Variants in DYNC2I1 observed in about 807,000 individuals in gnomAD.
The protein encoded by DYNC2I1 is dynein 2 intermediate chain 1, also known as cytoplasmic dynein 2 intermediate chain 1.
In DYNC2I1, 89 loss-of-function variants were observed where a neutral mutation model predicts 133.4. The ratio of observed to expected loss-of-function variants is 0.67; its 90% confidence interval spans 0.56 to 0.80. DYNC2I1 has a LOEUF of 0.80. Among genes scored for constraint, DYNC2I1 ranks in the 30% least tolerant of loss-of-function variants. DYNC2I1 has a pLI of 0.00. For synonymous variants in DYNC2I1, 504 were observed against 484.3 expected (o/e 1.04, Z -0.54); for missense variants, 1,291 against 1,314.5 (o/e 0.98, Z 0.28).
Position 158,945,783 on chromosome 7 carries a change from G to T in DYNC2I1, c.*4G>T. ...AGAGGGAAAACTGCACAAGTAGCGG[G>T]TGTGGCTGAGAGGACCGCGTTTCTG... On this transcript the variant is annotated 3_prime_UTR_variant, in exon 25 of 25. Transcript: ENST00000407559. This position sits in a 1 kb window ranked among gnomAD's most constrained non-coding sequence, Gnocchi z 4.1. The T allele has an allele frequency of 1.3e-6, 2 of 1,541,052 alleles. No individual in the cohort carries two copies. The highest frequency in any genetic ancestry group is 1.7e-6 in the Non-Finnish European group (2 of 1,144,606).
chr7:158,854,074 A>T (rs1026754478), upstream of DYNC2I1, among the ~76,000 whole-genome samples: 1 of 152,032 alleles, frequency 6.6e-6, no homozygotes, highest in African/African-American at 2.4e-5. Flanking sequence ...TTGGAGATGA[A>T]ATCAGGGAAT....
chr7:158,896,533 G>A (rs1169214769), intron 8 of DYNC2I1, among the ~76,000 whole-genome samples: 2 of 152,140 alleles, frequency 1.3e-5, no homozygotes, highest in Admixed American at 6.5e-5. Context: ...GTGCAGTGGG[G>A]TGATCATGGC....
chr7:158,867,661 G>A (rs558622162), intron 1 of DYNC2I1, among the ~76,000 whole-genome samples: 143 of 152,214 alleles, frequency 9.4e-4, no homozygotes, highest in African/African-American at 3.0e-3. Context: ...GTGGGGGGAC[G>A]TTAGGGTGCA....
intron 24 of DYNC2I1, among the ~76,000 whole-genome samples, chr7:158,944,933 G>T (rs1202611009): frequency 1.3e-5 from 2 of 152,172 alleles, no homozygotes; most frequent in East Asian, 3.8e-4. Context: ...ACAGGAGGGG[G>T]TTTGAATGGG....
chr7:158,884,318 C>G (rs1475723326), intron 5 of DYNC2I1, among the ~76,000 whole-genome samples: 1 of 151,188 alleles, frequency 6.6e-6, no homozygotes. Context: ...GTGCTGGGAT[C>G]ACAGGCGTGA....
chr7:158,871,594 C>T (rs1376111790), intron 3 of DYNC2I1, 32 bp downstream of exon 3: 1 of 1,495,614 alleles, frequency 6.7e-7, no homozygotes, highest in Non-Finnish European at 8.8e-7. Context: ...TGTGGTTCCA[C>T]CCGAGGTGCC....
At chr7:158,915,771 G>C (rs1416418849) in intron 14 of DYNC2I1, among the ~76,000 whole-genome samples, 2 of 144,864 alleles carry the variant, frequency 1.4e-5, no homozygotes, top group East Asian at 4.0e-4. Flanking sequence ...CTACACGCTG[G>C]TTGAGATTAA....
Position 158,887,067 on chromosome 7 carries a change from A to G in DYNC2I1, c.982A>G (p.Arg328Gly). 1 of 1,613,860 alleles carries G rather than the reference A, an allele frequency of 6.2e-7. No homozygotes were observed. The highest frequency in any genetic ancestry group is 8.5e-7 in the Non-Finnish European group (1 of 1,179,760). ...GAATCATGGAAAAGATAAAGATTCA[A>G]GACGGAAGGTAAGGCAGTCTCCACT... ...VRNHGKDKDS[R>G]RKHGHEEGSS... Residue 328 changes from arginine (R) to glycine (G), a missense_variant, in exon 7 of 25, where the codon AGA (arginine) becomes GGA (glycine). Arg to Gly is a moderately radical substitution (Grantham distance 125). Coordinates refer to ENST00000407559, the MANE Select transcript of DYNC2I1 (RefSeq NM_018051.5).
chr7:158,904,296 G>A (rs530057698), intron 10 of DYNC2I1: 13 of 152,416 alleles, frequency 8.5e-5, no homozygotes, highest in Admixed American at 7.8e-4. Flanking sequence ...CACGTTCTGA[G>A]TGCTAAGCAC....
intron 23 of DYNC2I1, among the ~76,000 whole-genome samples, chr7:158,939,867 A>G (rs2657353): frequency 0.48 from 73,699 of 152,042 alleles, 18,437 homozygotes; most frequent in Non-Finnish European, 0.54. Context: ...AAAAAATGAC[A>G]AAAAGGGGTC....
At chr7:158,930,631 C>T in intron 21 of DYNC2I1, 116 bp downstream of exon 21, 1 of 808,618 alleles carries the variant, frequency 1.2e-6, no homozygotes, top group Non-Finnish European at 1.9e-6. Flanking sequence ...TCCATTTTCT[C>T]ACATTGTTTT....
chr7:158,931,529 C>G (rs1197855964), intron 21 of DYNC2I1, among the ~76,000 whole-genome samples: 1 of 152,254 alleles, frequency 6.6e-6, no homozygotes, highest in Non-Finnish European at 1.5e-5. Context: ...ACAGTTCCCC[C>G]ACTGAGTTTC....
chr7:158,876,832 A>C (rs182444342), intron 4 of DYNC2I1, 141 bp downstream of exon 4: 429 of 1,102,446 alleles, frequency 3.9e-4, no homozygotes, highest in Non-Finnish European at 3.1e-4. Context: ...CACTGTGTAT[A>C]GTCAGTTTCT....
At chr7:158,909,837 A>G (rs531691067) in intron 11 of DYNC2I1, among the ~76,000 whole-genome samples, 1 of 152,224 alleles carries the variant, frequency 6.6e-6, no homozygotes, top group South Asian at 2.1e-4. Flanking sequence ...TGAAAATGGA[A>G]GTTGAGAGCC....
chr7:158,866,453 C>T (rs1238623134), intron 1 of DYNC2I1, among the ~76,000 whole-genome samples: 1 of 150,970 alleles, frequency 6.6e-6, no homozygotes, highest in Non-Finnish European at 1.5e-5. Context: ...CTGTGGTACC[C>T]TGGTCTCCTG....
chr7:158,858,559 T>C (rs1285920455), intron 1 of DYNC2I1, among the ~76,000 whole-genome samples: 1 of 152,218 alleles, frequency 6.6e-6, no homozygotes, highest in Non-Finnish European at 1.5e-5. Flanking sequence ...CTGTTTTAAA[T>C]TTTTAAACCT....
rs907997551 is a variant in DYNC2I1, at chr7:158,872,639, A to G, written c.490+1077A>G. 7.2e-5 allele frequency among the ~76,000 whole-genome samples: 11 copies of G among 151,760 alleles called. 1 individual carries two copies. Among genetic ancestry groups the G allele is most frequent in the Admixed American group, 6.6e-4 (10 of 15,234 alleles). ...GAGACTCTGTCTCTAAAAGAAAAAA[A>G]AAACCATTCAGCCAATGAAAGGAAT... is the stretch of plus-strand genomic sequence containing the variant. On this transcript the variant is annotated intron_variant, in intron 3 of 24. Coordinates refer to ENST00000407559, the MANE Select transcript of DYNC2I1 (RefSeq NM_018051.5).
At chr7:158,916,558 A>G (rs1848330368) in intron 14 of DYNC2I1, among the ~76,000 whole-genome samples, 1 of 53,136 alleles carries the variant, frequency 1.9e-5, no homozygotes, top group African/African-American at 6.7e-5. Flanking sequence ...TGAAACGTCG[A>G]CACGCTGGTT....
Position 158,862,552 on chromosome 7 carries a change from T to TAAAA in DYNC2I1, c.15+5819_15+5822dup, listed in dbSNP as rs71200073. 4.4e-4 allele frequency among the ~76,000 whole-genome samples: 47 copies of TAAAA among 105,834 alleles called. 1 individual carries two copies. Among genetic ancestry groups the TAAAA allele is most frequent in the East Asian group, 1.5e-3 (5 of 3,316 alleles). 69.4% of individuals were successfully genotyped at this position (105,834 alleles called of 152,430 possible). The stretch of plus-strand genomic sequence containing the variant: ...GGCAACATAGCAAGACCCTATCTCT[T>TAAAA]AAAAAAAAAAAAAAAAAAAAGCCTG... On this transcript the variant is annotated intron_variant, in intron 1 of 24. Coordinates refer to ENST00000407559, the MANE Select transcript of DYNC2I1 (RefSeq NM_018051.5).
Sources: allele counts gnomAD v4.1 joint callset (sites outside exome capture counted in the v4.1 genomes callset), GRCh38; gene constraint gnomAD v4.1.1; non-coding constraint Gnocchi (gnomAD v3.1); transcripts MANE v1.5; gene names NCBI Gene and HGNC (gene_info 2026-07-23, HGNC 2026-07-21).